ELOVL6: variants seen among roughly 807,000 people sequenced by gnomAD.
The protein encoded by ELOVL6 is ELOVL fatty acid elongase 6.
Under a neutral mutation model 31.7 loss-of-function variants are expected in ELOVL6, and 8 were observed. The observed-to-expected ratio is 0.25, with a 90% CI of 0.15 to 0.45. The LOEUF (loss-of-function observed/expected upper bound fraction) is 0.45. Among genes scored for constraint, ELOVL6 ranks in the 20% least tolerant of loss-of-function variants. ELOVL6 has a pLI of 1.00. For synonymous variants in ELOVL6, 101 were observed against 117.7 expected (o/e 0.86, Z 0.92); for missense variants, 126 against 326.4 (o/e 0.39, Z 4.73).
At position 110,051,911 on chromosome 4, in the gene ELOVL6, T is replaced by C. The variant is rs1754846900; in HGVS notation, c.374-149A>G. ...CCTGAACTGGTACTTACTAGCTCTG[T>C]GACCCTGGACAAGTTAGTTATCCTC... On this transcript the variant is annotated intron_variant, in intron 3 of 3. Transcript: ENST00000302274. The surrounding 1 kb of genome is among the most constrained non-coding windows in gnomAD (Gnocchi z 4.8). 1 of 656,366 alleles carries C rather than the reference T, an allele frequency of 1.5e-6. No homozygotes were observed. The highest frequency in any genetic ancestry group is 2.7e-6 in the Non-Finnish European group (1 of 375,808). The allele number at this position is 656,366 out of a possible 1,614,324, so 40.7% of individuals were successfully genotyped here.
chr4:110,198,203 G>T (rs1332527004), intron 1 of ELOVL6, 44 bp downstream of exon 1: 3 of 1,204,036 alleles, frequency 2.5e-6, no homozygotes, highest in East Asian at 4.7e-5. Flanking sequence ...CCGGGAAGAC[G>T]CGCAGGGCTC....
At position 110,084,024 on chromosome 4, in the gene ELOVL6, TGCCATATATGGTATATAACAC is replaced by T. The variant is rs1560813568; in HGVS notation, c.221+21452_221+21472del. ...TATGCCATATATGGTATATAACATA[TGCCATATATGGTATATAACAC>T]ATGCTATATATGATATATAACATAT... On this transcript the variant is annotated intron_variant, in intron 2 of 3. Coordinates refer to ENST00000302274, the MANE Select transcript of ELOVL6 (RefSeq NM_024090.3). Among the ~76,000 whole-genome samples, 21 of 60,958 alleles carry T rather than the reference TGCCATATATGGTATATAACAC, an allele frequency of 3.4e-4. 3 individuals carry two copies. Among genetic ancestry groups the T allele is most frequent in the African/African-American group, 5.2e-4 (8 of 15,352 alleles). The allele number at this position is 60,958 out of a possible 152,430, so 40.0% of individuals were successfully genotyped here. A position where few individuals can be genotyped will look rare whatever the true frequency, so the allele number is the denominator to read the frequency against.
chr4:110,110,730 C>A (rs1005394564), intron 1 of ELOVL6, among the ~76,000 whole-genome samples: 1 of 152,026 alleles, frequency 6.6e-6, no homozygotes, highest in Non-Finnish European at 1.5e-5. Context: ...TAACCATATG[C>A]CCAGAAATTC....
chr4:110,051,921 C>A lies in ELOVL6; in HGVS notation c.374-159G>T, dbSNP rs371145298. Among the ~76,000 whole-genome samples the A allele has an allele frequency of 6.6e-6, 1 of 152,200 alleles. No individual in the cohort carries two copies. The highest frequency in any genetic ancestry group is 6.5e-5 in the Admixed American group (1 of 15,280). ...TACTTACTAGCTCTGTGACCCTGGACAAGTTAGTTATCCTCACTATTTCTA... is the reference window on the plus strand; with the variant it reads ...TACTTACTAGCTCTGTGACCCTGGAAAAGTTAGTTATCCTCACTATTTCTA... On this transcript the variant is annotated intron_variant, in intron 3 of 3. Coordinates refer to ENST00000302274, the MANE Select transcript of ELOVL6 (RefSeq NM_024090.3). The surrounding 1 kb of genome is among the most constrained non-coding windows in gnomAD (Gnocchi z 4.8).
At chr4:110,093,683 C>A (rs982779388) in intron 2 of ELOVL6, among the ~76,000 whole-genome samples, 1 of 152,076 alleles carries the variant, frequency 6.6e-6, no homozygotes, top group Non-Finnish European at 1.5e-5. Context: ...TTAAAGAGCA[C>A]CTACTTAGGC....
chr4:110,106,113 T>G (rs1369162854), intron 1 of ELOVL6, among the ~76,000 whole-genome samples: 1 of 152,116 alleles, frequency 6.6e-6, no homozygotes. Flanking sequence ...TCCCAGCACT[T>G]TGGGAGGCAG....
intron 1 of ELOVL6, among the ~76,000 whole-genome samples, chr4:110,160,647 T>G (rs1037075624): frequency 1.3e-5 from 2 of 152,250 alleles, no homozygotes; most frequent in African/African-American, 4.8e-5. Flanking sequence ...AATTAAATAC[T>G]AAAAATATGC....
intron 2 of ELOVL6, among the ~76,000 whole-genome samples, chr4:110,089,477 C>T: frequency 6.6e-6 from 1 of 152,138 alleles, no homozygotes; most frequent in East Asian, 1.9e-4. Flanking sequence ...ACCCAATCCC[C>T]TATGTATACT....
At position 110,078,239 on chromosome 4, in the gene ELOVL6, C is replaced by T. The variant is rs143632835; in HGVS notation, c.222-18485G>A. Among the ~76,000 whole-genome samples the T allele has an allele frequency of 3.4e-3, 522 of 152,166 alleles. 3 individuals are homozygous for T. The highest frequency in any genetic ancestry group is 5.5e-3 in the Non-Finnish European group (375 of 68,010). On this transcript the variant is annotated intron_variant, in intron 2 of 3. Transcript: ENST00000302274. The stretch of plus-strand genomic sequence containing the variant: ...ATTCATATTCAGGAAATACAGAGAA[C>T]GCCACAAAGATACTCCTCAAGAAGA...
At chr4:110,076,600 C>T (rs10028312) in intron 2 of ELOVL6, among the ~76,000 whole-genome samples, 2,379 of 152,228 alleles carry the variant, frequency 0.016, 65 homozygotes, top group African/African-American at 0.055. Flanking sequence ...AGTCACCTAG[C>T]GAGGTGGAGC....
At chr4:110,075,791 A>T (rs1277338416) in intron 2 of ELOVL6, among the ~76,000 whole-genome samples, 2 of 152,202 alleles carry the variant, frequency 1.3e-5, no homozygotes, top group Non-Finnish European at 2.9e-5. Context: ...GCACAAAAAG[A>T]TCCCTGGAAG....
rs775195180 is a variant in ELOVL6 at position 110,048,499 on chromosome 4, G to A, written c.*2839C>T. 4.6e-5 allele frequency: 7 copies of A among 152,094 alleles called. No homozygotes were observed. Among genetic ancestry groups the A allele is most frequent in the Non-Finnish European group, 1.0e-4 (7 of 68,020 alleles). 9.4% of individuals were successfully genotyped at this position (152,094 alleles called of 1,614,324 possible). A position where few individuals can be genotyped will look rare whatever the true frequency, so the allele number is the denominator to read the frequency against. Reference sequence around the variant, plus strand: ...AAAGATACTCTATTGCAGCATAGTGGGGCAGCTATAAAAACTTGCCTGCCC... The same window carrying A: ...AAAGATACTCTATTGCAGCATAGTGAGGCAGCTATAAAAACTTGCCTGCCC... On this transcript the variant is annotated 3_prime_UTR_variant, in exon 4 of 4. Transcript: ENST00000302274.
At chr4:110,084,169 A>ATATATATCATATAACT (rs1756060304) in intron 2 of ELOVL6, among the ~76,000 whole-genome samples, 1 of 43,092 alleles carries the variant, frequency 2.3e-5, no homozygotes, top group African/African-American at 1.6e-4. Flanking sequence ...TATATGTGAT[A>ATATATATCATATAACT]TATATGATAT....
intron 1 of ELOVL6, among the ~76,000 whole-genome samples, chr4:110,136,617 T>C (rs1200942659): frequency 2.6e-5 from 4 of 152,192 alleles, no homozygotes; most frequent in Admixed American, 2.6e-4. Flanking sequence ...CAGCTGCCCC[T>C]GATTATACCA....
At chr4:110,083,359 G>C (rs1755941106) in intron 2 of ELOVL6, among the ~76,000 whole-genome samples, 6 of 151,620 alleles carry the variant, frequency 4.0e-5, no homozygotes, top group African/African-American at 1.5e-4. Context: ...CAATGAAAAG[G>C]GGCCAGGCTG....
intron 1 of ELOVL6, among the ~76,000 whole-genome samples, chr4:110,164,455 A>G (rs1331130536): frequency 6.6e-6 from 1 of 152,224 alleles, no homozygotes; most frequent in Non-Finnish European, 1.5e-5. Context: ...ACAAGATGCC[A>G]TGAACATTTG....
intron 1 of ELOVL6, among the ~76,000 whole-genome samples, chr4:110,123,326 G>A (rs555434240): frequency 6.6e-6 from 1 of 152,208 alleles, no homozygotes; most frequent in Non-Finnish European, 1.5e-5. Context: ...AATTAAGATA[G>A]GTAGTTTAAA....
intron 1 of ELOVL6, among the ~76,000 whole-genome samples, chr4:110,185,216 A>C (rs2126279324): frequency 6.6e-6 from 1 of 152,348 alleles, no homozygotes; most frequent in Admixed American, 6.5e-5. Context: ...AGGTTCAAAA[A>C]AAGTATTTTT....
intron 2 of ELOVL6, among the ~76,000 whole-genome samples, chr4:110,076,419 A>G (rs1316150867): frequency 6.6e-6 from 1 of 152,238 alleles, no homozygotes; most frequent in East Asian, 1.9e-4. Flanking sequence ...CTATATAATA[A>G]TAGAACACAC....
Sources: allele counts gnomAD v4.1 joint callset (sites outside exome capture counted in the v4.1 genomes callset), GRCh38; gene constraint gnomAD v4.1.1; non-coding constraint Gnocchi (gnomAD v3.1); transcripts MANE v1.5; gene names NCBI Gene and HGNC (gene_info 2026-07-23, HGNC 2026-07-21).